LRRC69: variants seen among roughly 807,000 people sequenced by gnomAD.
LRRC69 encodes leucine-rich repeat-containing protein 69.
LRRC69 carries 42 observed loss-of-function variants against 37.8 expected under a neutral mutation model. The observed-to-expected ratio is 1.11, with a 90% CI of 0.87 to 1.44. The LOEUF (loss-of-function observed/expected upper bound fraction) is 1.44. Among genes scored for constraint, LRRC69 ranks in the 40% most tolerant of loss-of-function variants. The pLI, the probability that LRRC69 is intolerant of heterozygous loss-of-function variation, is 0.00. For missense variants in LRRC69, 357 were observed against 401.9 expected (o/e 0.89, Z 0.96); for synonymous variants, 141 against 143.1 (o/e 0.99, Z 0.11).
At chr8:91,134,496 T>C (rs202119728) in intron 4 of LRRC69, among the ~76,000 whole-genome samples, 2 of 77,574 alleles carry the variant, frequency 2.6e-5, no homozygotes, top group African/African-American at 1.1e-4. Flanking sequence ...ATTTTTTTTT[T>C]CATCAAGTCA....
intron 5 of LRRC69, among the ~76,000 whole-genome samples, chr8:91,176,134 A>ATATATATATATATT: frequency 3.8e-4 from 29 of 75,696 alleles, no homozygotes; most frequent in African/African-American, 1.5e-3. Context: ...ATATATATAT[A>ATATATATATATATT]TTTTTTTTTT....
At position 91,137,479 on chromosome 8, in the gene LRRC69, T is replaced by C. The variant is rs368554124; in HGVS notation, c.651+1740T>C. On this transcript the variant is annotated intron_variant, in intron 5 of 7. Coordinates refer to ENST00000448384, the Ensembl canonical transcript of LRRC69. ...TCTTGAATTTTAACTCAATAAGTGT[T>C]TGTTAAATGAATAAATCTAACTGAT... Among the ~76,000 whole-genome samples, 3 of 152,226 alleles carry C rather than the reference T, an allele frequency of 2.0e-5. No individual in the cohort carries two copies. In the East Asian group the frequency reaches 5.8e-4, roughly 29 times the overall value.
intron 7 of LRRC69, chr8:91,206,596 C>T (rs1312724196): frequency 9.7e-7 from 1 of 1,031,736 alleles, no homozygotes. Flanking sequence ...ATGTTCTGAA[C>T]ACCTTAGACA....
chr8:91,197,386 C>G (rs550428418), intron 6 of LRRC69, among the ~76,000 whole-genome samples: 12 of 152,270 alleles, frequency 7.9e-5, no homozygotes, highest in East Asian at 7.8e-4. Flanking sequence ...CGAGCTTCCC[C>G]GGCTGCTTTG....
intron 5 of LRRC69, among the ~76,000 whole-genome samples, chr8:91,186,263 T>A (rs1344564469): frequency 6.6e-6 from 1 of 152,204 alleles, no homozygotes; most frequent in Non-Finnish European, 1.5e-5. Flanking sequence ...CAAAGCCTGA[T>A]AGATGAAGAT....
intron 5 of LRRC69, among the ~76,000 whole-genome samples, chr8:91,180,679 G>A (rs1233210826): frequency 6.6e-6 from 1 of 152,126 alleles, no homozygotes; most frequent in Non-Finnish European, 1.5e-5. Context: ...TAGGCTGAGG[G>A]CAAAACTTCA....
chr8:91,192,741 T>C (rs1053998071), intron 6 of LRRC69, among the ~76,000 whole-genome samples: 1 of 151,960 alleles, frequency 6.6e-6, no homozygotes, highest in African/African-American at 2.4e-5. Flanking sequence ...AGATTCTGGA[T>C]ATTAGCCCTT....
intron 5 of LRRC69, chr8:91,157,557 C>T: frequency 6.6e-7 from 1 of 1,524,256 alleles, no homozygotes. Context: ...AGGGTTTACT[C>T]CTGGAAGATA....
chr8:91,161,527 T>G (rs1480522975), intron 5 of LRRC69, among the ~76,000 whole-genome samples: 1 of 151,114 alleles, frequency 6.6e-6, no homozygotes, highest in African/African-American at 2.4e-5. Flanking sequence ...CCTTGTTAAA[T>G]TATATGTGTG....
intron 6 of LRRC69, among the ~76,000 whole-genome samples, chr8:91,191,329 AACT>A (rs1809492549): frequency 6.6e-6 from 1 of 152,126 alleles, no homozygotes; most frequent in East Asian, 1.9e-4. Context: ...ATTCCCTTAT[AACT>A]TATTTTTTCT....
In LRRC69 at chr8:91,104,869, G is replaced by A. The variant is rs1813280839; in HGVS notation, c.183+2025G>A. 2.6e-5 allele frequency among the ~76,000 whole-genome samples: 4 copies of A among 152,040 alleles called. No individual in the cohort carries two copies. The South Asian group carries it at 6.2e-4, about 24-fold the overall frequency. On this transcript the variant is annotated intron_variant, in intron 1 of 7. Transcript: ENST00000448384. The stretch of plus-strand genomic sequence containing the variant: ...ATTCTTGTCTCACACTTGGTTAATA[G>A]TTGTTTAGTAAAAAGTTACACATTC...
intron 3 of LRRC69, among the ~76,000 whole-genome samples, chr8:91,132,769 G>A (rs1813829503): frequency 6.6e-6 from 1 of 151,842 alleles, no homozygotes; most frequent in Admixed American, 6.6e-5. Flanking sequence ...TATATACATA[G>A]GTATGTCCGT....
chr8:91,159,369 C>T lies in LRRC69; in HGVS notation c.651+23630C>T, dbSNP rs1157820605. 4.6e-5 allele frequency among the ~76,000 whole-genome samples: 7 copies of T among 151,128 alleles called. No homozygotes were observed. In the South Asian group the frequency reaches 1.2e-3, roughly 27 times the overall value. ...ATAAACATTGCCATTAGAAGAAAAG[C>T]TTCAAAATAGACCTGTGGCAGATGT... On this transcript the variant is annotated intron_variant, in intron 5 of 7. Transcript: ENST00000448384.
chr8:91,210,909 A>G (rs1809902269), intron 7 of LRRC69, among the ~76,000 whole-genome samples: 1 of 152,160 alleles, frequency 6.6e-6, no homozygotes, highest in Non-Finnish European at 1.5e-5. Context: ...TCCAAGCAGA[A>G]CAAACAAGAA....
At chr8:91,201,174 T>C (rs1215887964) in intron 7 of LRRC69, among the ~76,000 whole-genome samples, 2 of 152,128 alleles carry the variant, frequency 1.3e-5, no homozygotes, top group Admixed American at 1.3e-4. Context: ...GCTGGCTAGT[T>C]TATATCATGA....
exon 4 of LRRC69, chr8:91,133,211 A>G: frequency 6.5e-7 from 1 of 1,543,440 alleles, no homozygotes; most frequent in Non-Finnish European, 8.7e-7. Context: ...CAACTTAACT[A>G]CAATCAGCTG....
rs557960616 is a variant in LRRC69, at chr8:91,175,811, C to T, written c.652-13711C>T. On this transcript the variant is annotated intron_variant, in intron 5 of 7. Coordinates refer to ENST00000448384, the Ensembl canonical transcript of LRRC69. Reference sequence around the variant, plus strand: ...AGTTCTGAGTAAGACGTGACACCACCGGAGTTTTTTTTTTTTGAGCAGGGG... The same window carrying T: ...AGTTCTGAGTAAGACGTGACACCACTGGAGTTTTTTTTTTTTGAGCAGGGG... 3.0e-4 allele frequency among the ~76,000 whole-genome samples: 26 copies of T among 85,854 alleles called. 3 individuals carry two copies. The highest frequency in any genetic ancestry group is 1.2e-3 in the African/African-American group (24 of 19,332). The allele number at this position is 85,854 out of a possible 152,430, so 56.3% of individuals were successfully genotyped here. A position where few individuals can be genotyped will look rare whatever the true frequency, so the allele number is the denominator to read the frequency against.
At chr8:91,194,503 T>A (rs1328647254) in intron 6 of LRRC69, among the ~76,000 whole-genome samples, 2 of 152,054 alleles carry the variant, frequency 1.3e-5, no homozygotes, top group Non-Finnish European at 2.9e-5. Context: ...AGTAAGCTAT[T>A]GATTATTGCC....
At chr8:91,196,739 C>T (rs1586280550) in intron 6 of LRRC69, among the ~76,000 whole-genome samples, 1 of 150,210 alleles carries the variant, frequency 6.7e-6, no homozygotes, top group Admixed American at 6.6e-5. Flanking sequence ...TCTAGTTATA[C>T]ATTCTTCTAA....
Sources: gnomAD v4.1 joint callset for allele counts (sites outside exome capture counted in the v4.1 genomes callset) on GRCh38, gnomAD v4.1.1 for gene constraint, MANE v1.5 for transcripts, NCBI Gene and HGNC (gene_info 2026-07-23, HGNC 2026-07-21) for gene names.